The following DISC1 variants were observed in gnomAD, a reference collection of about 807,000 sequenced individuals.
DISC1 encodes disrupted in schizophrenia 1 protein.
DISC1 carries 57 observed loss-of-function variants against 84.5 expected under a neutral mutation model. The ratio of observed to expected loss-of-function variants is 0.67; its 90% CI spans 0.55 to 0.84. The LOEUF (loss-of-function observed/expected upper bound fraction) is 0.84. Ranked by LOEUF, DISC1 falls within the 40% of genes least tolerant of loss-of-function variation. The pLI is 0.00. For synonymous variants in DISC1, 411 were observed against 415.2 expected (o/e 0.99, Z 0.12); for missense variants, 1,000 against 1,057.8 (o/e 0.95, Z 0.76).
rs12095576 is a variant in DISC1, at chr1:231,852,384, A to G, written c.1981+33867A>G. ...ATTCATTGGTTTCACTTCCCTTTGCATTGCTAAGTAAAGGTGATATAGGAG... is the reference window on the plus strand; with the variant it reads ...ATTCATTGGTTTCACTTCCCTTTGCGTTGCTAAGTAAAGGTGATATAGGAG... On this transcript the variant is annotated intron_variant, in intron 9 of 12. Transcript: ENST00000439617. Among the ~76,000 whole-genome samples, 1,234 of 152,220 alleles carry G rather than the reference A, an allele frequency of 8.1e-3. 19 individuals are homozygous for G. Among genetic ancestry groups the G allele is most frequent in the African/African-American group, 0.028 (1,177 of 41,528 alleles).
intron 9 of DISC1, among the ~76,000 whole-genome samples, chr1:231,894,748 TG>T (rs2087548112): frequency 1.0e-3 from 3 of 2,946 alleles, no homozygotes; most frequent in African/African-American, 1.8e-3. Flanking sequence ...TCATCTGTTG[TG>T]TGTGTGTGTG....
intron 1 of DISC1, among the ~76,000 whole-genome samples, chr1:231,629,802 T>C (rs1179911628): frequency 1.3e-5 from 2 of 152,246 alleles, no homozygotes; most frequent in Admixed American, 1.3e-4. Flanking sequence ...TTTTCTTTTT[T>C]TAAAATCTAA....
intron 9 of DISC1, among the ~76,000 whole-genome samples, chr1:231,888,608 G>A (rs754171015): frequency 7.9e-5 from 12 of 151,662 alleles, no homozygotes; most frequent in African/African-American, 2.2e-4. Context: ...GCATGGTGGC[G>A]GGCACCTGTA....
chr1:231,982,281 T>C (rs373472296), intron 10 of DISC1, among the ~76,000 whole-genome samples: 125 of 152,262 alleles, frequency 8.2e-4, no homozygotes, highest in African/African-American at 2.9e-3. Context: ...GGTTGGGAAC[T>C]AGATTAGAAT....
At chr1:231,763,368 A>G (rs989411342) in intron 4 of DISC1, among the ~76,000 whole-genome samples, 3 of 152,218 alleles carry the variant, frequency 2.0e-5, no homozygotes, top group Admixed American at 6.5e-5. Context: ...CTTGATTCAT[A>G]GTACTTTATT....
Position 231,823,411 on chromosome 1 carries a change from A to G in DISC1, c.1981+4894A>G, listed in dbSNP as rs150293377. On this transcript the variant is annotated intron_variant, in intron 9 of 12. Coordinates refer to ENST00000439617, the MANE Select transcript of DISC1 (RefSeq NM_018662.3). ...GAAGAAAATGCCAATGTCAAGTGTT[A>G]ATTATTTGGTTGAGAATATGATGTG... Among the ~76,000 whole-genome samples, 182 of 152,324 alleles carry G rather than the reference A, an allele frequency of 1.2e-3. 5 individuals are homozygous for G. The East Asian group carries it at 0.03, about 25-fold the overall frequency.
intron 3 of DISC1, chr1:231,722,632 C>G (rs1334957676): frequency 4.3e-6 from 7 of 1,613,906 alleles, no homozygotes; most frequent in Non-Finnish European, 5.9e-6. Flanking sequence ...CAAAGCAAGA[C>G]AAATAGATAT....
At chr1:231,769,629 T>C (rs2076407416) in intron 5 of DISC1, among the ~76,000 whole-genome samples, 1 of 152,140 alleles carries the variant, frequency 6.6e-6, no homozygotes, top group African/African-American at 2.4e-5. Flanking sequence ...GGGGAATTAG[T>C]TTTCAATGGG....
At chr1:231,890,046 G>A (rs2087084599) in intron 9 of DISC1, among the ~76,000 whole-genome samples, 2 of 152,170 alleles carry the variant, frequency 1.3e-5, no homozygotes, top group South Asian at 4.1e-4. Flanking sequence ...CTGCTGTTAT[G>A]AGAAATGGCT....
intron 3 of DISC1, among the ~76,000 whole-genome samples, chr1:231,705,971 A>G (rs1157354166): frequency 6.6e-6 from 1 of 152,094 alleles, no homozygotes; most frequent in Admixed American, 6.5e-5. Context: ...TCACTCATAA[A>G]AATGACTTTG....
At chr1:231,895,649 G>A (rs967779163) in intron 9 of DISC1, among the ~76,000 whole-genome samples, 1 of 150,704 alleles carries the variant, frequency 6.6e-6, no homozygotes, top group African/African-American at 2.4e-5. Context: ...AATTCTTAAA[G>A]CATTTTTGCA....
intron 9 of DISC1, among the ~76,000 whole-genome samples, chr1:231,905,619 C>T (rs1305030569): frequency 5.9e-5 from 9 of 151,938 alleles, no homozygotes; most frequent in Non-Finnish European, 1.2e-4. Flanking sequence ...CAGATCCTGT[C>T]TTAATTTAAA....
At chr1:231,911,520 G>A (rs1224808380) in intron 9 of DISC1, among the ~76,000 whole-genome samples, 3 of 152,208 alleles carry the variant, frequency 2.0e-5, no homozygotes, top group Non-Finnish European at 2.9e-5. Context: ...CTTCTGGCTT[G>A]TAGAGTTTCT....
intron 3 of DISC1, among the ~76,000 whole-genome samples, chr1:231,707,510 T>C (rs1036383166): frequency 6.6e-6 from 1 of 152,142 alleles, no homozygotes; most frequent in Non-Finnish European, 1.5e-5. Context: ...ATCTCAAGTA[T>C]GTGTCATGAG....
At chr1:231,855,275 T>C in intron 9 of DISC1, 1 of 954,928 alleles carries the variant, frequency 1.0e-6, no homozygotes, top group Non-Finnish European at 1.2e-6. Flanking sequence ...TAAATAACTT[T>C]CTATATAACA....
At chr1:231,836,624 T>C (rs7551669) in intron 9 of DISC1, among the ~76,000 whole-genome samples, 90,110 of 152,102 alleles carry the variant, frequency 0.59, 27,061 homozygotes, top group Middle Eastern at 0.66. Flanking sequence ...CCAGCCCGAC[T>C]ATGTCTTCCC....
chr1:231,666,489 T>C (rs1033357192), intron 1 of DISC1, among the ~76,000 whole-genome samples: 6 of 152,140 alleles, frequency 3.9e-5, no homozygotes, highest in African/African-American at 1.4e-4. Context: ...TGACAATCAG[T>C]GTCAGCTAAG....
intron 6 of DISC1, among the ~76,000 whole-genome samples, chr1:231,793,253 C>T (rs1016137840): frequency 6.6e-6 from 1 of 152,190 alleles, no homozygotes; most frequent in African/African-American, 2.4e-5. Context: ...CCCCTCCCAA[C>T]ACATACCCCA....
chr1:231,910,684 A>G (rs1464723464), intron 9 of DISC1, among the ~76,000 whole-genome samples: 1 of 152,174 alleles, frequency 6.6e-6, no homozygotes, highest in Non-Finnish European at 1.5e-5. Flanking sequence ...GTAGATGTGT[A>G]TTAGGTCTGC....
Sources: allele counts gnomAD v4.1 joint callset (sites outside exome capture counted in the v4.1 genomes callset), GRCh38; gene constraint gnomAD v4.1.1; transcripts MANE v1.5; gene names NCBI Gene and HGNC (gene_info 2026-07-23, HGNC 2026-07-21).